Variants in PCDHGA10 observed in about 807,000 individuals in gnomAD.
PCDHGA10 encodes the protein protocadherin gamma-A10.
In PCDHGA10, 42 loss-of-function variants were observed where a neutral mutation model predicts 59.5. The observed-to-expected ratio is 0.71, with a 90% CI of 0.55 to 0.91. The LOEUF (loss-of-function observed/expected upper bound fraction) is 0.91. Ranked by LOEUF, PCDHGA10 falls within the 40% of genes least tolerant of loss-of-function variation. PCDHGA10 has a pLI of 0.00. For missense variants in PCDHGA10, 1,111 were observed against 1,198.2 expected, an observed-to-expected ratio of 0.93 and a Z score of 1.07; for synonymous variants, 511 against 517.2, an observed-to-expected ratio of 0.99 and a Z score of 0.16.
chr5:141,510,291 A>AG (rs903726285), intron 3 of PCDHGA10, among the ~76,000 whole-genome samples: 1 of 150,450 alleles, frequency 6.6e-6, no homozygotes, highest in African/African-American at 2.4e-5. Context: ...AAAAAAAAAA[A>AG]TGCTGTTTTG....
At chr5:141,449,467 C>G (rs1356192128) in intron 1 of PCDHGA10, among the ~76,000 whole-genome samples, 1 of 150,842 alleles carries the variant, frequency 6.6e-6, no homozygotes, top group South Asian at 2.1e-4. Flanking sequence ...ATTAGCCAGG[C>G]CTGGTACCCC....
intron 1 of PCDHGA10, among the ~76,000 whole-genome samples, chr5:141,456,006 T>C (rs909931677): frequency 6.6e-6 from 1 of 151,852 alleles, no homozygotes; most frequent in Non-Finnish European, 1.5e-5. Flanking sequence ...CATGCCATTC[T>C]CCTGCCTCAG....
intron 1 of PCDHGA10, among the ~76,000 whole-genome samples, chr5:141,438,629 TATATATACACAC>T (rs1343412075): frequency 0.05 from 2,378 of 47,602 alleles, 22 homozygotes; most frequent in African/African-American, 0.12. Context: ...TATATATATA[TATATATACACAC>T]ACACACACAC....
At chr5:141,424,936 C>G (rs1160449329) in intron 1 of PCDHGA10, among the ~76,000 whole-genome samples, 1 of 152,182 alleles carries the variant, frequency 6.6e-6, no homozygotes, top group Non-Finnish European at 1.5e-5. Flanking sequence ...AGTCAACACT[C>G]TCACATCACT....
chr5:141,472,980 C>CAAAAAAAAAAAAAAAAAAAAAAAAAAAA (rs60579131), intron 1 of PCDHGA10, among the ~76,000 whole-genome samples: 1 of 86,106 alleles, frequency 1.2e-5, no homozygotes, highest in Non-Finnish European at 2.5e-5. Flanking sequence ...GAGTGAAACT[C>CAAAAAAAAAAAAAAAAAAAAAAAAAAAA]AAAAAAAAAA....
rs369411784 is a variant in PCDHGA10 at position 141,413,621 on chromosome 5, A to G, written c.446A>G (p.Asn149Ser). Residue 149 changes from asparagine to serine, a missense_variant, in exon 1 of 4, where the codon AAT becomes AGT. By Grantham distance (46) the Asn-to-Ser change is conservative. Transcript: ENST00000398610. ...AATCTAGACGTAAAAATTAATGAAA[A>G]TGTCGCTGCGGGAATGCGTTTTCCT... ...AENLDVKINE[N>S]VAAGMRFPLP... The G allele has an allele frequency of 1.0e-4, 161 of 1,613,784 alleles. No individual in the cohort carries two copies. Among genetic ancestry groups the G allele is most frequent in the Admixed American group, 1.5e-4 (9 of 60,008 alleles).
Position 141,490,924 on chromosome 5 carries a change from C to G in PCDHGA10, c.2437-3883C>G, listed in dbSNP as rs1469202824. The G allele has an allele frequency of 1.9e-6, 3 of 1,613,562 alleles. No individual in the cohort carries two copies. The highest frequency in any genetic ancestry group is 2.5e-6 in the Non-Finnish European group (3 of 1,179,702). ...TGTCCTAGACGAGAATGATAATGCC[C>G]CAGCTGTGCTGCACCCACGGCCAGA... On this transcript the variant is annotated intron_variant, in intron 1 of 3. Transcript: ENST00000398610. The surrounding 1 kb of genome is among the most constrained non-coding windows in gnomAD (Gnocchi z 5.4).
Position 141,491,742 on chromosome 5 carries a change from C to CA in PCDHGA10, c.2437-3064dup. The CA allele has an allele frequency of 3.1e-6, 5 of 1,596,114 alleles. No individual in the cohort carries two copies. Among genetic ancestry groups the CA allele is most frequent in the Non-Finnish European group, 4.3e-6 (5 of 1,172,424 alleles). ...CGCCCCGGGCGACCCCTGGGGGCGG[C>CA]ACTGGAGAAGCCGCCCGTCCTCATA... On this transcript the variant is annotated intron_variant, in intron 1 of 3. Coordinates refer to ENST00000398610, the MANE Select transcript of PCDHGA10 (RefSeq NM_018913.3). This position sits in a 1 kb window ranked among gnomAD's most constrained non-coding sequence, Gnocchi z 6.9.
intron 1 of PCDHGA10, among the ~76,000 whole-genome samples, chr5:141,451,829 C>T (rs564970982): frequency 1.2e-4 from 18 of 151,422 alleles, no homozygotes; most frequent in African/African-American, 4.1e-4. Flanking sequence ...TACAGTGAGC[C>T]GAGATCACAC....
chr5:141,454,796 ATTTTTTTTTT>A (rs61612330), intron 1 of PCDHGA10, among the ~76,000 whole-genome samples: 11 of 77,458 alleles, frequency 1.4e-4, no homozygotes, highest in East Asian at 8.0e-4. Flanking sequence ...CATGGTTCTA[ATTTTTTTTTT>A]TTTTTTTTTT....
intron 1 of PCDHGA10, among the ~76,000 whole-genome samples, chr5:141,434,467 T>C (rs1397980716): frequency 6.6e-6 from 1 of 152,226 alleles, no homozygotes; most frequent in Non-Finnish European, 1.5e-5. Flanking sequence ...TTTACCGGAA[T>C]GAGGGCAAGG....
intron 1 of PCDHGA10, among the ~76,000 whole-genome samples, chr5:141,429,535 T>TG (rs1278730394): frequency 2.0e-5 from 3 of 152,168 alleles, no homozygotes; most frequent in Non-Finnish European, 4.4e-5. Flanking sequence ...CTTAAAAAAA[T>TG]AAGAACATGG....
chr5:141,490,363 C>A lies in PCDHGA10; in HGVS notation c.2437-4444C>A. The A allele has an allele frequency of 6.2e-7, 1 of 1,614,154 alleles. No individual in the cohort carries two copies. Among genetic ancestry groups the A allele is most frequent in the South Asian group, 1.1e-5 (1 of 91,078 alleles). On this transcript the variant is annotated intron_variant, in intron 1 of 3. Coordinates refer to ENST00000398610, the MANE Select transcript of PCDHGA10 (RefSeq NM_018913.3). The surrounding 1 kb of genome is among the most constrained non-coding windows in gnomAD (Gnocchi z 5.4). Reference sequence around the variant, plus strand: ...CACAGTAGTGGGGTTGTTTAATGTGCGAGACCGGGACTCAGGTAGAAATGG... The same window carrying A: ...CACAGTAGTGGGGTTGTTTAATGTGAGAGACCGGGACTCAGGTAGAAATGG...
rs1196201183 is a variant in PCDHGA10, at chr5:141,490,944, G to A, written c.2437-3863G>A. ...ATGCCCCAGCTGTGCTGCACCCACG[G>A]CCAGACTGGGAACACTCAGCCCCCC... On this transcript the variant is annotated intron_variant, in intron 1 of 3. Transcript: ENST00000398610. This position sits in a 1 kb window ranked among gnomAD's most constrained non-coding sequence, Gnocchi z 5.4. 6.2e-7 allele frequency: 1 copy of A among 1,613,488 alleles called. No individual in the cohort carries two copies. The highest frequency in any genetic ancestry group is 1.3e-5 in the African/African-American group (1 of 74,906).
Position 141,477,584 on chromosome 5 carries a change from G to A in PCDHGA10, c.2437-17223G>A. 5 of 1,614,148 alleles carry A rather than the reference G, an allele frequency of 3.1e-6. No homozygotes were observed. Among genetic ancestry groups the A allele is most frequent in the Non-Finnish European group, 4.2e-6 (5 of 1,180,032 alleles). On this transcript the variant is annotated intron_variant, in intron 1 of 3. Coordinates refer to ENST00000398610, the MANE Select transcript of PCDHGA10 (RefSeq NM_018913.3). This position sits in a 1 kb window ranked among gnomAD's most constrained non-coding sequence, Gnocchi z 4.9. ...CTGGGACCCCGACGCCCCGCAGAAT[G>A]CTCGGCTTTCTTTCTTTCTCTTGGA...
chr5:141,422,699 C>G (rs765368737), intron 1 of PCDHGA10: 2 of 1,603,420 alleles, frequency 1.2e-6, no homozygotes, highest in South Asian at 1.1e-5. Context: ...GTCACTTACT[C>G]TCTGACGGAT....
At chr5:141,462,651 CA>C (rs60282352) in intron 1 of PCDHGA10, among the ~76,000 whole-genome samples, 42,411 of 152,004 alleles carry the variant, frequency 0.28, 6,634 homozygotes, top group African/African-American at 0.43. Flanking sequence ...TTTCCATCCT[CA>C]ATTATCTTCA....
chr5:141,485,768 C>G lies in PCDHGA10; in HGVS notation c.2437-9039C>G. ...GGTCCCAGAGCTGCTCCTGGAGAAG[C>G]CTTTGGATCGAGAGAAGCAATCGGA... On this transcript the variant is annotated intron_variant, in intron 1 of 3. Coordinates refer to ENST00000398610, the MANE Select transcript of PCDHGA10 (RefSeq NM_018913.3). The surrounding 1 kb of genome is among the most constrained non-coding windows in gnomAD (Gnocchi z 5.7). 5 of 1,614,192 alleles carry G rather than the reference C, an allele frequency of 3.1e-6. No homozygotes were observed. The South Asian group carries it at 3.3e-5, about 11-fold the overall frequency.
chr5:141,505,326 G>A, intron 2 of PCDHGA10, 67 bp from the exon 3 acceptor site: 2 of 1,607,648 alleles, frequency 1.2e-6, no homozygotes, highest in East Asian at 2.2e-5. Context: ...AGCCCTGGGA[G>A]AGGACAGGAG....
Sources: allele counts gnomAD v4.1 joint callset (sites outside exome capture counted in the v4.1 genomes callset), GRCh38; gene constraint gnomAD v4.1.1; non-coding constraint Gnocchi (gnomAD v3.1); transcripts MANE v1.5; gene names NCBI Gene and HGNC (gene_info 2026-07-23, HGNC 2026-07-21).